Variants in HK1 observed in about 807,000 individuals in gnomAD.
The protein encoded by HK1 is hexokinase-1.
In HK1, 28 loss-of-function variants were observed where a neutral mutation model predicts 91.6. The ratio of observed to expected loss-of-function variants is 0.31; its 90% CI spans 0.23 to 0.42. The LOEUF (loss-of-function observed/expected upper bound fraction) is 0.42, where lower values mean the gene tolerates loss of function less well. HK1 is among the 10% of genes least tolerant of loss of function. HK1 has a pLI of 1.00. For missense variants in HK1, 770 were observed against 1,219.8 expected, an observed-to-expected ratio of 0.63 and a Z score of 5.49; for synonymous variants, 430 against 468.1, an observed-to-expected ratio of 0.92 and a Z score of 1.05.
intron 7 of HK1, among the ~76,000 whole-genome samples, chr10:69,374,692 C>T (rs1564551642): frequency 1.3e-5 from 2 of 152,150 alleles, no homozygotes; most frequent in African/African-American, 2.4e-5. Context: ...AGACCCTGGC[C>T]GTGGGCCTCT....
intron 3 of HK1, among the ~76,000 whole-genome samples, chr10:69,289,399 C>T (rs1266277765): frequency 6.6e-6 from 1 of 151,526 alleles, no homozygotes; most frequent in Non-Finnish European, 1.5e-5. Flanking sequence ...CTAAGAGAAG[C>T]CCCCTCTGGC....
chr10:69,308,650 T>C (rs113520092), intron 5 of HK1, among the ~76,000 whole-genome samples: 3,560 of 152,182 alleles, frequency 0.023, 50 homozygotes, highest in African/African-American at 0.041. Flanking sequence ...TGGTTTCGGG[T>C]CTGGTTCCTT....
chr10:69,302,721 A>C (rs1240367954), intron 5 of HK1, among the ~76,000 whole-genome samples: 1 of 146,262 alleles, frequency 6.8e-6, no homozygotes, highest in African/African-American at 2.5e-5. Flanking sequence ...GATCCACTGC[A>C]CTCCAGCCTG....
At chr10:69,398,095 T>C (rs2132970052) in intron 16 of HK1, among the ~76,000 whole-genome samples, 1 of 152,352 alleles carries the variant, frequency 6.6e-6, no homozygotes, top group South Asian at 2.1e-4. Flanking sequence ...CAAAGATTTA[T>C]AAACAAACCT....
chr10:69,382,704 A>C lies in HK1; in HGVS notation c.1483A>C (p.Met495Leu), dbSNP rs1179166849. 1 of 1,613,652 alleles carries C rather than the reference A, an allele frequency of 6.2e-7. No homozygotes were observed. The highest frequency in any genetic ancestry group is 2.2e-5 in the East Asian group (1 of 44,870). ...LEVKKRMRAEMELGLRKQTHN... is the reference protein window; with the variant it reads ...LEVKKRMRAELELGLRKQTHN... ...GGTGAAGAAGAGGATGCGGGCCGAG[A>C]TGGAGCTGGGGCTGAGGAAGCAGAC... The change falls in exon 10 of 18, where the codon ATG becomes CTG. Residue 495 changes from methionine (M) to leucine (L), a missense_variant. By Grantham distance (15) the Met-to-Leu change is conservative. Around this residue, in one of 7 missense-constraint regions of HK1, gnomAD observed 449 missense variants for 665.1 expected, o/e 0.68. Transcript: ENST00000359426.
chr10:69,343,686 G>A (rs1195144559), intron 1 of HK1, 141 bp from the exon 2 acceptor site: 3 of 766,268 alleles, frequency 3.9e-6, no homozygotes, highest in Non-Finnish European at 7.1e-6. Flanking sequence ...GATGACAGCA[G>A]TTGAATGACC....
intron 7 of HK1, among the ~76,000 whole-genome samples, chr10:69,373,589 GTT>G (rs374262470): frequency 7.0e-6 from 1 of 141,864 alleles, no homozygotes. Context: ...TTTCCTTGAG[GTT>G]TTTTTTTTTT....
chr10:69,290,692 G>C (rs886857952), intron 3 of HK1, among the ~76,000 whole-genome samples: 2 of 152,120 alleles, frequency 1.3e-5, no homozygotes, highest in Admixed American at 1.3e-4. Flanking sequence ...TAGAGACGGG[G>C]TTTCGCCAAG....
At chr10:69,353,540 C>T (rs758642197) in intron 2 of HK1, among the ~76,000 whole-genome samples, 166 of 150,686 alleles carry the variant, frequency 1.1e-3, no homozygotes, top group Non-Finnish European at 1.8e-3. Context: ...CTGCAGTAAG[C>T]TGTGATCATG....
intron 8 of HK1, among the ~76,000 whole-genome samples, chr10:69,379,209 G>GTATCTTATTTCTAT (rs1839265335): frequency 6.6e-6 from 1 of 151,986 alleles, no homozygotes; most frequent in Admixed American, 6.6e-5. Flanking sequence ...GAAGTCAACT[G>GTATCTTATTTCTAT]TATTTCTATC....
At chr10:69,376,419 G>T (rs1010784780) in intron 7 of HK1, among the ~76,000 whole-genome samples, 5 of 152,160 alleles carry the variant, frequency 3.3e-5, no homozygotes, top group Non-Finnish European at 5.9e-5. Flanking sequence ...TGGGAGGATG[G>T]CTTGAGCCCA....
At chr10:69,357,853 TGGGA>T (rs893533691) in intron 2 of HK1, among the ~76,000 whole-genome samples, 1 of 152,120 alleles carries the variant, frequency 6.6e-6, no homozygotes, top group African/African-American at 2.4e-5. Context: ...ATGAGGGGCT[TGGGA>T]GGTGATAGTT....
chr10:69,342,846 C>A (rs1235422885), intron 1 of HK1, among the ~76,000 whole-genome samples: 4 of 152,258 alleles, frequency 2.6e-5, no homozygotes, highest in South Asian at 4.2e-4. Flanking sequence ...ATTCTAGGCA[C>A]CTAGCTGGTG....
At chr10:69,315,148 C>A (rs547248252), upstream of HK1, among the ~76,000 whole-genome samples, 32 of 152,218 alleles carry the variant, frequency 2.1e-4, no homozygotes, top group Non-Finnish European at 4.1e-4. Flanking sequence ...CCCTTCTAAC[C>A]TCACCAGGCT....
At chr10:69,327,285 C>T (rs886894264) in intron 1 of HK1, among the ~76,000 whole-genome samples, 1 of 152,146 alleles carries the variant, frequency 6.6e-6, no homozygotes, top group African/African-American at 2.4e-5. Context: ...TGAGCCCCCA[C>T]ACTCAGCCAG....
At chr10:69,341,749 C>A (rs1056427415) in intron 1 of HK1, among the ~76,000 whole-genome samples, 6 of 152,016 alleles carry the variant, frequency 3.9e-5, no homozygotes, top group African/African-American at 1.5e-4. Context: ...AGCCACCATG[C>A]CTGGCCTCTT....
intron 1 of HK1, among the ~76,000 whole-genome samples, chr10:69,276,037 C>T (rs1255570204): frequency 1.5e-5 from 2 of 134,354 alleles, no homozygotes; most frequent in Non-Finnish European, 3.1e-5. Flanking sequence ...TTGCAGTGAG[C>T]CAAGATTGTG....
At chr10:69,371,015 C>A (rs915970552) in intron 7 of HK1, among the ~76,000 whole-genome samples, 1 of 141,460 alleles carries the variant, frequency 7.1e-6, no homozygotes, top group Admixed American at 6.8e-5. Flanking sequence ...ACCTAATAAC[C>A]CTTATCCTGA....
intron 14 of HK1, among the ~76,000 whole-genome samples, chr10:69,391,598 C>T (rs1311087266): frequency 5.9e-5 from 9 of 152,180 alleles, no homozygotes; most frequent in Admixed American, 3.9e-4. Context: ...GCCAAGATTG[C>T]GCCGCTGCAC....
Sources: gnomAD v4.1 joint callset for allele counts (sites outside exome capture counted in the v4.1 genomes callset) on GRCh38, gnomAD v4.1.1 for gene constraint, gnomAD v4.1.1 regional missense constraint, MANE v1.5 for transcripts, NCBI Gene and HGNC (gene_info 2026-07-23, HGNC 2026-07-21) for gene names.